The following SLC14A2 variants were observed in gnomAD, a reference collection of about 807,000 sequenced individuals.
SLC14A2 encodes the protein solute carrier family 14 member 2.
In SLC14A2, 91 loss-of-function variants were observed where a neutral mutation model predicts 104.6. That is an observed-to-expected ratio of 0.87 (90% CI 0.73 to 1.04). SLC14A2 has a LOEUF of 1.04. Ranked by LOEUF, SLC14A2 falls within the 50% of genes least tolerant of loss-of-function variation. The probability of loss-of-function intolerance (pLI) is 0.00; values close to 1 mark genes in which losing one functional copy is unlikely to be tolerated. For missense variants in SLC14A2, 1,189 were observed against 1,156.0 expected (o/e 1.03, Z -0.41); for synonymous variants, 476 against 466.4 (o/e 1.02, Z -0.27).
chr18:45,456,312 A>G (rs529649182), intron 1 of SLC14A2, among the ~76,000 whole-genome samples: 1 of 152,218 alleles, frequency 6.6e-6, no homozygotes, highest in East Asian at 1.9e-4. Context: ...GCGACCATTC[A>G]TCCCAGCTCA....
chr18:45,508,183 G>T (rs1000538344), intron 2 of SLC14A2, among the ~76,000 whole-genome samples: 17 of 152,180 alleles, frequency 1.1e-4, no homozygotes, highest in African/African-American at 3.9e-4. Context: ...GTGTTGACTT[G>T]TTTACAGGCT....
chr18:45,624,657 C>G lies in SLC14A2; in HGVS notation c.-8C>G, dbSNP rs1239256808. ...CCATCGATAGAAGAGTGGCTGTGAC[C>G]CGAAGGAATGTCTGACCCCCACAGC... On this transcript the variant is annotated 5_prime_UTR_variant, in exon 2 of 20. Transcript: ENST00000255226. The G allele has an allele frequency of 1.2e-6, 2 of 1,607,944 alleles. No homozygotes were observed. Among genetic ancestry groups the G allele is most frequent in the South Asian group, 2.2e-5 (2 of 89,806 alleles).
chr18:45,657,737 G>T (rs1305492372), intron 10 of SLC14A2, among the ~76,000 whole-genome samples: 1 of 152,134 alleles, frequency 6.6e-6, no homozygotes, highest in African/African-American at 2.4e-5. Context: ...ATTTCTTGTG[G>T]CCTCAGTTTC....
chr18:45,377,779 G>A (rs1404837927), intron 1 of SLC14A2, among the ~76,000 whole-genome samples: 1 of 151,974 alleles, frequency 6.6e-6, no homozygotes, highest in Non-Finnish European at 1.5e-5. Flanking sequence ...TCTTCTCTGG[G>A]TGACAGCCTT....
At chr18:45,357,374 G>T (rs1257677837) in intron 1 of SLC14A2, among the ~76,000 whole-genome samples, 1 of 151,808 alleles carries the variant, frequency 6.6e-6, no homozygotes, top group East Asian at 1.9e-4. Context: ...CAATTTGGGA[G>T]ACTGAGGCAG....
upstream of SLC14A2, among the ~76,000 whole-genome samples, chr18:45,212,430 C>G (rs185533570): frequency 6.6e-6 from 1 of 152,170 alleles, no homozygotes; most frequent in Non-Finnish European, 1.5e-5. Context: ...CATCAAATTT[C>G]CTTTGGTGAA....
Position 45,235,823 on chromosome 18 carries a change from A to ATG in SLC14A2, c.-125+22633_-125+22634insGT, listed in dbSNP as rs201914373. Among the ~76,000 whole-genome samples the ATG allele has an allele frequency of 1.6e-3, 205 of 129,704 alleles. 22 individuals carry two copies. Among genetic ancestry groups the ATG allele is most frequent in the African/African-American group, 5.6e-3 (185 of 33,308 alleles). 85.1% of individuals were successfully genotyped at this position (129,704 alleles called of 152,430 possible). A position where few individuals can be genotyped will look rare whatever the true frequency, so the allele number is the denominator to read the frequency against. On this transcript the variant is annotated intron_variant, in intron 1 of 20. Coordinates refer to the SLC14A2 transcript ENST00000586448. The stretch of plus-strand genomic sequence containing the variant: ...TGTGTGTGTGTGTGTGTATATATAT[A>ATG]TATATATACGTGTATATATATATGT...
chr18:45,406,507 T>A (rs57479713), intron 1 of SLC14A2, among the ~76,000 whole-genome samples: 1 of 152,248 alleles, frequency 6.6e-6, no homozygotes, highest in African/African-American at 2.4e-5. Flanking sequence ...CCTCTTCCCA[T>A]GAATCATAAA....
intron 1 of SLC14A2, among the ~76,000 whole-genome samples, chr18:45,282,865 T>A (rs2084777061): frequency 6.6e-6 from 1 of 152,228 alleles, no homozygotes; most frequent in Non-Finnish European, 1.5e-5. Flanking sequence ...TTTCCTTGTA[T>A]CTTTCTCATT....
At chr18:45,431,879 GA>G (rs1206193305) in intron 1 of SLC14A2, among the ~76,000 whole-genome samples, 4 of 152,210 alleles carry the variant, frequency 2.6e-5, no homozygotes, top group African/African-American at 9.6e-5. Context: ...AGGAGAGGAA[GA>G]AACAAACTTC....
intron 6 of SLC14A2, among the ~76,000 whole-genome samples, 156 bp from the exon 7 acceptor site, chr18:45,639,590 G>A (rs939986248): frequency 1.3e-5 from 2 of 152,106 alleles, no homozygotes; most frequent in Non-Finnish European, 2.9e-5. Context: ...GTTTGTTCCA[G>A]CTCATGCCTC....
In SLC14A2 at chr18:45,266,138, G is replaced by A. The variant is rs574176813; in HGVS notation, c.-125+52947G>A. Among the ~76,000 whole-genome samples, 14 of 152,252 alleles carry A rather than the reference G, an allele frequency of 9.2e-5. No homozygotes were observed. The East Asian group carries it at 2.5e-3, about 27-fold the overall frequency. On this transcript the variant is annotated intron_variant, in intron 1 of 20. Coordinates refer to the SLC14A2 transcript ENST00000586448. ...AGGTGATCTTGACTTGAGACCTACAGGAAGGATGGAGGTCATTGATGCCTG... is the reference window on the plus strand; with the variant it reads ...AGGTGATCTTGACTTGAGACCTACAAGAAGGATGGAGGTCATTGATGCCTG...
At chr18:45,674,105 G>T (rs1568005537) in intron 18 of SLC14A2, among the ~76,000 whole-genome samples, 1 of 152,106 alleles carries the variant, frequency 6.6e-6, no homozygotes, top group Non-Finnish European at 1.5e-5. Flanking sequence ...CTTCTACAGC[G>T]ATTCACCTTA....
intron 1 of SLC14A2, among the ~76,000 whole-genome samples, chr18:45,460,968 CTGG>C (rs1296322750): frequency 1.3e-5 from 2 of 152,150 alleles, no homozygotes; most frequent in Non-Finnish European, 2.9e-5. Context: ...TTCTCAATAC[CTGG>C]TGTCCTAAGT....
At chr18:45,654,138 G>GGC (rs751595047) in intron 10 of SLC14A2, among the ~76,000 whole-genome samples, 180 of 12,644 alleles carry the variant, frequency 0.014, 1 homozygote, top group Non-Finnish European at 0.065. Flanking sequence ...CAGGAATGCT[G>GGC]GGGGGGACGT....
At chr18:45,601,172 C>A (rs963521233) in intron 2 of SLC14A2, among the ~76,000 whole-genome samples, 5 of 152,192 alleles carry the variant, frequency 3.3e-5, no homozygotes, top group Admixed American at 6.5e-5. Context: ...AGAGAATGCG[C>A]GGCCCAACCT....
At chr18:45,569,250 CT>C (rs2044312193) in intron 2 of SLC14A2, among the ~76,000 whole-genome samples, 1 of 152,164 alleles carries the variant, frequency 6.6e-6, no homozygotes, top group Non-Finnish European at 1.5e-5. Context: ...ATCTGTTGCC[CT>C]TCTCCCGTCT....
At chr18:45,489,979 C>A (rs1032041901) in intron 2 of SLC14A2, 1 of 152,088 alleles carries the variant, frequency 6.6e-6, no homozygotes, top group African/African-American at 2.4e-5. Flanking sequence ...GATTAGGGGA[C>A]TTGCACAAGA....
rs2046177004 is a variant in SLC14A2, at chr18:45,673,573, C to T, written c.2378-110C>T. Reference sequence around the variant, plus strand: ...GCCAGAAGTCCTTTTTGTATAACTACCTAAGAAGATAACTGGCTCCGGGCT... The same window carrying T: ...GCCAGAAGTCCTTTTTGTATAACTATCTAAGAAGATAACTGGCTCCGGGCT... On this transcript the variant is annotated intron_variant, in intron 17 of 19. Coordinates refer to ENST00000255226, the MANE Select transcript of SLC14A2 (RefSeq NM_007163.4). 6 of 1,223,252 alleles carry T rather than the reference C, an allele frequency of 4.9e-6. No homozygotes were observed. The Admixed American group carries it at 6.6e-5, about 13-fold the overall frequency. 75.8% of individuals were successfully genotyped at this position (1,223,252 alleles called of 1,614,324 possible). A position where few individuals can be genotyped will look rare whatever the true frequency, so the allele number is the denominator to read the frequency against.
Sources: allele counts gnomAD v4.1 joint callset (sites outside exome capture counted in the v4.1 genomes callset), GRCh38; gene constraint gnomAD v4.1.1; transcripts MANE v1.5; gene names NCBI Gene and HGNC (gene_info 2026-07-23, HGNC 2026-07-21).